PRKD1: variants seen among roughly 807,000 people sequenced by gnomAD.
PRKD1 encodes the protein serine/threonine-protein kinase D1.
A neutral mutation model predicts 95.9 loss-of-function variants in PRKD1; 63 were observed. That is an observed-to-expected ratio of 0.66 (90% CI 0.54 to 0.81). The LOEUF (loss-of-function observed/expected upper bound fraction) is 0.81, where lower values mean the gene tolerates loss of function less well. PRKD1 is among the 30% of genes least tolerant of loss of function. The probability of loss-of-function intolerance (pLI) is 0.00; values close to 1 mark genes in which losing one functional copy is unlikely to be tolerated. For missense variants in PRKD1, 1,048 were observed against 1,165.3 expected (o/e 0.90, Z 1.47); for synonymous variants, 425 against 423.1 (o/e 1.00, Z -0.05).
At chr14:29,619,626 A>G (rs1879109541) in intron 13 of PRKD1, among the ~76,000 whole-genome samples, 1 of 152,194 alleles carries the variant, frequency 6.6e-6, no homozygotes, top group South Asian at 2.1e-4. Flanking sequence ...ACTGCTACAG[A>G]AAACAAAACA....
At chr14:29,675,938 T>A (rs541058715) in intron 2 of PRKD1, among the ~76,000 whole-genome samples, 98 of 134,054 alleles carry the variant, frequency 7.3e-4, no homozygotes, top group Admixed American at 1.7e-3. Flanking sequence ...ATGAGAACAC[T>A]TGGACACAGG....
intron 1 of PRKD1, among the ~76,000 whole-genome samples, chr14:29,761,266 A>G (rs1317282435): frequency 1.3e-5 from 2 of 152,344 alleles, no homozygotes; most frequent in East Asian, 3.9e-4. Flanking sequence ...ATGAACATCA[A>G]CAATTACTGG....
intron 13 of PRKD1, among the ~76,000 whole-genome samples, chr14:29,603,044 T>C (rs951639287): frequency 6.6e-6 from 1 of 152,196 alleles, no homozygotes; most frequent in Admixed American, 6.5e-5. Flanking sequence ...TGTGGTTAGA[T>C]ATACAAATTT....
chr14:29,726,800 C>A (rs796888440), intron 1 of PRKD1, among the ~76,000 whole-genome samples: 5 of 146,500 alleles, frequency 3.4e-5, no homozygotes, highest in Admixed American at 6.8e-5. Context: ...AAAAAAAAAA[C>A]ACAACAGCTG....
chr14:29,849,690 T>C (rs1050437329), intron 1 of PRKD1, among the ~76,000 whole-genome samples: 1 of 151,028 alleles, frequency 6.6e-6, no homozygotes, highest in Non-Finnish European at 1.5e-5. Flanking sequence ...TTCCCCAAAA[T>C]AGAGGCAAAG....
At chr14:29,742,794 T>C (rs910980515) in intron 1 of PRKD1, among the ~76,000 whole-genome samples, 5 of 152,244 alleles carry the variant, frequency 3.3e-5, no homozygotes, top group African/African-American at 1.2e-4. Flanking sequence ...TCAATTTTGT[T>C]AGAGAAACAA....
At chr14:29,911,481 G>A (rs904372684) in intron 1 of PRKD1, among the ~76,000 whole-genome samples, 1 of 151,942 alleles carries the variant, frequency 6.6e-6, no homozygotes, top group African/African-American at 2.4e-5. Context: ...CTATCCCCAA[G>A]GGCACTGAAC....
intron 1 of PRKD1, among the ~76,000 whole-genome samples, chr14:29,855,285 A>T (rs940098427): frequency 2.2e-4 from 33 of 152,188 alleles, no homozygotes; most frequent in Non-Finnish European, 8.8e-5. Flanking sequence ...ATAGGGACGG[A>T]GCTGCCCAAG....
chr14:29,707,421 T>C (rs1009954036), intron 2 of PRKD1, among the ~76,000 whole-genome samples: 1 of 152,214 alleles, frequency 6.6e-6, no homozygotes, highest in Non-Finnish European at 1.5e-5. Context: ...ATTCCTTCAA[T>C]TGTCCATTTA....
intron 1 of PRKD1, among the ~76,000 whole-genome samples, chr14:29,910,065 C>A (rs1274815802): frequency 6.6e-6 from 1 of 152,156 alleles, no homozygotes; most frequent in African/African-American, 2.4e-5. Flanking sequence ...GGTCCCCTTC[C>A]ACACTGTGGA....
chr14:29,913,376 GT>G (rs1245390232), intron 1 of PRKD1, among the ~76,000 whole-genome samples: 3 of 151,994 alleles, frequency 2.0e-5, no homozygotes, highest in African/African-American at 7.2e-5. Flanking sequence ...GTTTTTGTTA[GT>G]GAATATACAA....
chr14:29,721,142 A>T (rs1885876027), intron 2 of PRKD1, among the ~76,000 whole-genome samples: 1 of 152,110 alleles, frequency 6.6e-6, no homozygotes, highest in African/African-American at 2.4e-5. Context: ...ATAGCCCGAG[A>T]ATAGGCCCAC....
At chr14:29,646,765 ACC>A (rs796508726) in intron 4 of PRKD1, among the ~76,000 whole-genome samples, 14 of 150,216 alleles carry the variant, frequency 9.3e-5, no homozygotes, top group African/African-American at 3.2e-4. Flanking sequence ...AAAAAAAAAA[ACC>A]CACACAGTCA....
chr14:29,739,179 A>G lies in PRKD1; in HGVS notation c.265-13505T>C, dbSNP rs77864322. 6.8e-3 allele frequency among the ~76,000 whole-genome samples: 1,030 copies of G among 152,304 alleles called. 16 individuals carry two copies. The highest frequency in any genetic ancestry group is 0.023 in the African/African-American group (944 of 41,548). ...GAATGCCTAACACCAGGTGTCTACCAACTTCAGAAATCTTCAAGGTCCAAA... is the reference window on the plus strand; with the variant it reads ...GAATGCCTAACACCAGGTGTCTACCGACTTCAGAAATCTTCAAGGTCCAAA... On this transcript the variant is annotated intron_variant, in intron 1 of 17. Coordinates refer to ENST00000331968, the MANE Select transcript of PRKD1 (RefSeq NM_002742.3).
intron 1 of PRKD1, among the ~76,000 whole-genome samples, chr14:29,764,857 G>A (rs1327967878): frequency 6.6e-6 from 1 of 152,170 alleles, no homozygotes; most frequent in Non-Finnish European, 1.5e-5. Flanking sequence ...ACTTTTACCT[G>A]GATGGCCTTA....
chr14:29,826,780 T>C lies in PRKD1; in HGVS notation c.264+100469A>G, dbSNP rs1197679693. 1.5e-3 allele frequency among the ~76,000 whole-genome samples: 61 copies of C among 40,536 alleles called. 3 individuals are homozygous for C. The highest frequency in any genetic ancestry group is 5.1e-3 in the African/African-American group (48 of 9,498). 26.6% of individuals were successfully genotyped at this position (40,536 alleles called of 152,430 possible). On this transcript the variant is annotated intron_variant, in intron 1 of 17. Coordinates refer to ENST00000331968, the MANE Select transcript of PRKD1 (RefSeq NM_002742.3). Reference sequence around the variant, plus strand: ...ATACATATATATATACACATATATATACATATATACACATATATATACACA... The same window carrying C: ...ATACATATATATATACACATATATACACATATATACACATATATATACACA...
intron 1 of PRKD1, among the ~76,000 whole-genome samples, chr14:29,877,107 G>A (rs535850779): frequency 1.1e-4 from 16 of 152,222 alleles, no homozygotes; most frequent in South Asian, 2.1e-4. Flanking sequence ...AGCCAAAATC[G>A]TGCCACCGCA....
chr14:29,630,642 T>C, intron 10 of PRKD1, 100 bp downstream of exon 10: 1 of 1,473,142 alleles, frequency 6.8e-7, no homozygotes, highest in Non-Finnish European at 9.3e-7. Flanking sequence ...CCAAGAAGTC[T>C]TTCTTCATTC....
At chr14:29,641,675 A>G (rs1240059052) in intron 4 of PRKD1, among the ~76,000 whole-genome samples, 1 of 152,150 alleles carries the variant, frequency 6.6e-6, no homozygotes, top group Non-Finnish European at 1.5e-5. Flanking sequence ...CTGGGTCATT[A>G]TCTGATGAGT....
Sources: gnomAD v4.1 joint callset for allele counts (sites outside exome capture counted in the v4.1 genomes callset) on GRCh38, gnomAD v4.1.1 for gene constraint, MANE v1.5 for transcripts, NCBI Gene and HGNC (gene_info 2026-07-23, HGNC 2026-07-21) for gene names.